Variants in PELI2 observed in about 807,000 individuals in gnomAD.
The protein encoded by PELI2 is pellino E3 ubiquitin protein ligase family member 2.
PELI2 carries 23 observed loss-of-function variants against 42.3 expected under a neutral mutation model. The ratio of observed to expected loss-of-function variants is 0.54; its 90% CI spans 0.39 to 0.77. The LOEUF (loss-of-function observed/expected upper bound fraction) is 0.77. Among genes scored for constraint, PELI2 ranks in the 30% least tolerant of loss-of-function variants. The pLI, the probability that PELI2 is intolerant of heterozygous loss-of-function variation, is 0.00. For synonymous variants in PELI2, 245 were observed against 212.2 expected (o/e 1.15, Z -1.34); for missense variants, 463 against 553.2 (o/e 0.84, Z 1.64).
At chr14:56,123,956 C>T (rs1883156244) in intron 1 of PELI2, among the ~76,000 whole-genome samples, 1 of 152,102 alleles carries the variant, frequency 6.6e-6, no homozygotes. Context: ...ATGGAGACAA[C>T]AGCAACTTGG....
intron 2 of PELI2, among the ~76,000 whole-genome samples, chr14:56,270,407 A>G (rs1889061768): frequency 6.6e-6 from 1 of 152,234 alleles, no homozygotes; most frequent in Non-Finnish European, 1.5e-5. Flanking sequence ...GTACTCACAC[A>G]TATTTTAAAC....
intron 2 of PELI2, among the ~76,000 whole-genome samples, chr14:56,262,075 G>C (rs1008270421): frequency 5.9e-5 from 9 of 152,208 alleles, no homozygotes; most frequent in African/African-American, 2.2e-4. Context: ...ATTATTTGTT[G>C]AATTTATTTA....
chr14:56,278,534 A>AAG (rs1889371341), intron 2 of PELI2, among the ~76,000 whole-genome samples: 1 of 152,210 alleles, frequency 6.6e-6, no homozygotes, highest in African/African-American at 2.4e-5. Flanking sequence ...CATGTTAAAG[A>AAG]AGTATTATCT....
At chr14:56,161,259 T>G (rs1389640242) in intron 1 of PELI2, among the ~76,000 whole-genome samples, 1 of 152,164 alleles carries the variant, frequency 6.6e-6, no homozygotes, top group Non-Finnish European at 1.5e-5. Flanking sequence ...CTAAGTCCTT[T>G]TTATTAGCAT....
intron 2 of PELI2, among the ~76,000 whole-genome samples, chr14:56,257,138 A>T (rs936953399): frequency 1.3e-5 from 2 of 152,226 alleles, no homozygotes; most frequent in Admixed American, 6.5e-5. Context: ...GATAACAAAT[A>T]AGTATATTTT....
intron 2 of PELI2, among the ~76,000 whole-genome samples, chr14:56,246,898 T>C (rs1195568083): frequency 6.6e-6 from 1 of 152,238 alleles, no homozygotes; most frequent in East Asian, 1.9e-4. Flanking sequence ...TATTACATTC[T>C]TCTGAAAAAC....
rs189890955 is a variant in PELI2 at position 56,188,186 on chromosome 14, G to A, written c.207+9722G>A. On this transcript the variant is annotated intron_variant, in intron 2 of 5. Coordinates refer to ENST00000267460, the MANE Select transcript of PELI2 (RefSeq NM_021255.3). The stretch of plus-strand genomic sequence containing the variant: ...GCTGACTTCTCGTGTCTTCCTGGAC[G>A]GCAGGCTCCTTGAAGGCAGATACTA... Among the ~76,000 whole-genome samples, 311 of 152,284 alleles carry A rather than the reference G, an allele frequency of 2.0e-3. 1 individual carries two copies. The highest frequency in any genetic ancestry group is 0.014 in the Middle Eastern group (4 of 292).
chr14:56,262,941 A>T (rs1350474425), intron 2 of PELI2, among the ~76,000 whole-genome samples: 3 of 152,042 alleles, frequency 2.0e-5, no homozygotes, highest in Non-Finnish European at 4.4e-5. Context: ...GACCTGTTTT[A>T]TCTGGGGGTT....
intron 1 of PELI2, among the ~76,000 whole-genome samples, chr14:56,129,329 A>G (rs886698752): frequency 2.6e-5 from 4 of 152,210 alleles, no homozygotes; most frequent in Non-Finnish European, 4.4e-5. Flanking sequence ...AGTTGCTCAC[A>G]ATGGGCGTAG....
intron 1 of PELI2, among the ~76,000 whole-genome samples, chr14:56,128,709 G>C (rs4901638): frequency 0.49 from 73,829 of 151,612 alleles, 18,108 homozygotes; most frequent in Middle Eastern, 0.58. Flanking sequence ...AGTCAGGTTG[G>C]GGTATTGTTG....
chr14:56,178,273 ACTTTT>A, intron 1 of PELI2, 57 bp from the exon 2 acceptor site: 1 of 1,569,986 alleles, frequency 6.4e-7, no homozygotes, highest in South Asian at 1.1e-5. Context: ...AATACCTCTA[ACTTTT>A]ATGTTTAAAG....
chr14:56,138,096 A>C (rs1883750198), intron 1 of PELI2, among the ~76,000 whole-genome samples: 1 of 152,202 alleles, frequency 6.6e-6, no homozygotes, highest in Non-Finnish European at 1.5e-5. Context: ...ACCTCTCCCC[A>C]GCCCGCTCTC....
intron 2 of PELI2, among the ~76,000 whole-genome samples, chr14:56,241,776 C>T (rs1467742399): frequency 1.3e-5 from 2 of 152,138 alleles, no homozygotes; most frequent in Non-Finnish European, 2.9e-5. Flanking sequence ...GATAAAGCTG[C>T]ACGCTACTTT....
intron 1 of PELI2, among the ~76,000 whole-genome samples, chr14:56,169,098 C>A (rs1415118031): frequency 1.1e-4 from 17 of 152,140 alleles, no homozygotes; most frequent in Admixed American, 1.1e-3. Context: ...TTCAGTTGGA[C>A]AGAAGGAAAG....
chr14:56,267,037 A>T (rs1257958535), intron 2 of PELI2, among the ~76,000 whole-genome samples: 1 of 152,090 alleles, frequency 6.6e-6, no homozygotes, highest in Non-Finnish European at 1.5e-5. Flanking sequence ...CTCTGGAAGG[A>T]TATATAAGAA....
chr14:56,187,586 T>C (rs1346665907), intron 2 of PELI2, among the ~76,000 whole-genome samples: 1 of 152,238 alleles, frequency 6.6e-6, no homozygotes, highest in African/African-American at 2.4e-5. Context: ...GGAATGGTTG[T>C]GGCCTGTTTT....
chr14:56,183,246 CAG>C (rs1366837915), intron 2 of PELI2, among the ~76,000 whole-genome samples: 2 of 151,926 alleles, frequency 1.3e-5, no homozygotes, highest in African/African-American at 4.8e-5. Context: ...AAAAAAATAA[CAG>C]TAATAAAACA....
intron 1 of PELI2, among the ~76,000 whole-genome samples, chr14:56,157,617 C>T (rs1884615256): frequency 6.6e-6 from 1 of 152,112 alleles, no homozygotes; most frequent in Non-Finnish European, 1.5e-5. Context: ...TGTTTCTGTA[C>T]AATAGCAATT....
At chr14:56,149,111 C>T (rs1884241873) in intron 1 of PELI2, among the ~76,000 whole-genome samples, 1 of 152,170 alleles carries the variant, frequency 6.6e-6, no homozygotes, top group African/African-American at 2.4e-5. Flanking sequence ...TTACCCAAAT[C>T]CTTTCAACTA....
Sources: gnomAD v4.1 joint callset for allele counts (sites outside exome capture counted in the v4.1 genomes callset) on GRCh38, gnomAD v4.1.1 for gene constraint, MANE v1.5 for transcripts, NCBI Gene and HGNC (gene_info 2026-07-23, HGNC 2026-07-21) for gene names.